ATE1: variants seen among roughly 807,000 people sequenced by gnomAD.
ATE1 encodes the protein arginyl-tRNA--protein transferase 1.
ATE1 carries 36 observed loss-of-function variants against 70.5 expected under a neutral mutation model. The ratio of observed to expected loss-of-function variants is 0.51; its 90% confidence interval spans 0.39 to 0.67. The LOEUF (loss-of-function observed/expected upper bound fraction) is 0.67, where lower values mean the gene tolerates loss of function less well. ATE1 is among the 30% of genes least tolerant of loss of function. The pLI is 0.00. For synonymous variants in ATE1, 232 were observed against 219.3 expected, an observed-to-expected ratio of 1.06 and a Z score of -0.51; for missense variants, 593 against 629.5, an observed-to-expected ratio of 0.94 and a Z score of 0.62.
At chr10:121,851,943 A>C (rs1285415277) in intron 8 of ATE1, among the ~76,000 whole-genome samples, 1 of 152,252 alleles carries the variant, frequency 6.6e-6, no homozygotes, top group African/African-American at 2.4e-5. Flanking sequence ...AATGTCATCA[A>C]TATTAATAGG....
chr10:121,885,260 CAAA>C (rs1212899309), intron 7 of ATE1, among the ~76,000 whole-genome samples: 3 of 33,390 alleles, frequency 9.0e-5, no homozygotes, highest in African/African-American at 1.1e-4. Context: ...GACTCCGTCT[CAAA>C]AAAAAAAAAA....
Position 121,886,490 on chromosome 10 carries a change from G to A in ATE1, c.942+13376C>T, listed in dbSNP as rs552205040. On this transcript the variant is annotated intron_variant, in intron 7 of 11. Coordinates refer to ENST00000224652, the MANE Select transcript of ATE1 (RefSeq NM_001001976.3). ...GTGTGCGTGAATATGCCCTGTGGTGGAACAGACTCCTGTCCAGGGTGAGTG... is the reference window on the plus strand; with the variant it reads ...GTGTGCGTGAATATGCCCTGTGGTGAAACAGACTCCTGTCCAGGGTGAGTG... Among the ~76,000 whole-genome samples, 9 of 152,204 alleles carry A rather than the reference G, an allele frequency of 5.9e-5. No homozygotes were observed. In the South Asian group the frequency reaches 1.9e-3, roughly 32 times the overall value.
intron 10 of ATE1, among the ~76,000 whole-genome samples, chr10:121,799,628 T>G (rs1238225389): frequency 3.9e-5 from 6 of 152,208 alleles, no homozygotes; most frequent in African/African-American, 1.4e-4. Flanking sequence ...GCTTCAAACT[T>G]AAATTTATAT....
At chr10:121,773,466 C>G (rs1196899397) in intron 11 of ATE1, among the ~76,000 whole-genome samples, 9 of 152,184 alleles carry the variant, frequency 5.9e-5, no homozygotes, top group Admixed American at 5.9e-4. Flanking sequence ...CCTGTGTCTC[C>G]TATCAGTTCT....
chr10:121,754,400 A>C (rs1045744919), intron 11 of ATE1, among the ~76,000 whole-genome samples: 1 of 152,232 alleles, frequency 6.6e-6, no homozygotes, highest in Non-Finnish European at 1.5e-5. Context: ...GACTTGTCAA[A>C]AGAAAACATG....
rs60193561 is a variant in ATE1, at chr10:121,801,931, TAA to T, written c.1258-11644_1258-11643del. Among the ~76,000 whole-genome samples the T allele has an allele frequency of 7.4e-4, 102 of 137,960 alleles. 1 individual carries two copies. Among genetic ancestry groups the T allele is most frequent in the African/African-American group, 2.4e-3 (94 of 38,418 alleles). The allele number at this position is 137,960 out of a possible 152,430, so 90.5% of individuals were successfully genotyped here. A position where few individuals can be genotyped will look rare whatever the true frequency, so the allele number is the denominator to read the frequency against. ...AAGTAGGAAGATCCCTTTTTAAAGT[TAA>T]AAAAAAAAAAAAACATGGGCCTTTT... On this transcript the variant is annotated intron_variant, in intron 10 of 11. Coordinates refer to ENST00000224652, the MANE Select transcript of ATE1 (RefSeq NM_001001976.3).
At chr10:121,926,301 G>A (rs796498466) in intron 1 of ATE1, among the ~76,000 whole-genome samples, 8 of 152,236 alleles carry the variant, frequency 5.3e-5, no homozygotes, top group African/African-American at 1.7e-4. Context: ...GAATATAGTG[G>A]GAAAAGCATG....
chr10:121,898,773 G>C, intron 7 of ATE1: 1 of 1,555,840 alleles, frequency 6.4e-7, no homozygotes, highest in South Asian at 1.2e-5. Context: ...CACCTGACAA[G>C]AAAATGGTAT....
At chr10:121,863,127 T>C (rs1564906572) in intron 8 of ATE1, among the ~76,000 whole-genome samples, 1 of 152,322 alleles carries the variant, frequency 6.6e-6, no homozygotes, top group East Asian at 1.9e-4. Context: ...TTAGTTTTTA[T>C]TTCATGTTAT....
chr10:121,837,356 A>G (rs1948469704), intron 9 of ATE1, among the ~76,000 whole-genome samples: 2 of 152,090 alleles, frequency 1.3e-5, no homozygotes, highest in Admixed American at 6.6e-5. Context: ...ATCTCACCAC[A>G]TTTTCTGTAT....
chr10:121,834,043 G>A (rs946227440), intron 10 of ATE1, among the ~76,000 whole-genome samples: 3 of 152,098 alleles, frequency 2.0e-5, no homozygotes, highest in Non-Finnish European at 4.4e-5. Context: ...CAAAACTGAC[G>A]ACTGCAGCAA....
At chr10:121,830,552 C>T (rs1314008102) in intron 10 of ATE1, among the ~76,000 whole-genome samples, 2 of 152,156 alleles carry the variant, frequency 1.3e-5, no homozygotes, top group African/African-American at 4.8e-5. Flanking sequence ...TCTCAAACCT[C>T]AGGTATCCTG....
intron 5 of ATE1, among the ~76,000 whole-genome samples, chr10:121,906,292 C>A (rs1164360727): frequency 6.6e-6 from 1 of 152,100 alleles, no homozygotes; most frequent in East Asian, 1.9e-4. Flanking sequence ...CTTTGGGAGG[C>A]TGAGGCAGGC....
upstream of ATE1, chr10:121,928,398 C>T (rs1195943894): frequency 2.6e-6 from 4 of 1,530,492 alleles, no homozygotes; most frequent in Non-Finnish European, 2.6e-6. Flanking sequence ...TGGTAGCCGG[C>T]CCTGAGGCCC....
intron 11 of ATE1, among the ~76,000 whole-genome samples, chr10:121,774,159 C>T (rs966281298): frequency 1.3e-5 from 2 of 152,006 alleles, no homozygotes; most frequent in Non-Finnish European, 2.9e-5. Context: ...TCAATGGATA[C>T]GCAATAATGG....
chr10:121,874,114 A>G (rs140633804), intron 7 of ATE1, among the ~76,000 whole-genome samples: 2,425 of 152,302 alleles, frequency 0.016, 60 homozygotes, highest in African/African-American at 0.056. Context: ...ATCTAATAAA[A>G]CCTTTATTTA....
chr10:121,847,887 C>T (rs527465758), intron 8 of ATE1, among the ~76,000 whole-genome samples: 34 of 150,674 alleles, frequency 2.3e-4, no homozygotes, highest in East Asian at 4.0e-4. Flanking sequence ...CTGGCTAACA[C>T]GGTGAAACCC....
At chr10:121,917,452 A>G (rs950663185) in intron 3 of ATE1, among the ~76,000 whole-genome samples, 1 of 152,220 alleles carries the variant, frequency 6.6e-6, no homozygotes, top group African/African-American at 2.4e-5. Context: ...GCCATGGTTC[A>G]GTTGTGAAGC....
At position 121,922,254 on chromosome 10, in the gene ATE1, G is replaced by A. The variant is rs950721920; in HGVS notation, c.233+95C>T. On this transcript the variant is annotated intron_variant, in intron 3 of 11. Coordinates refer to ENST00000224652, the MANE Select transcript of ATE1 (RefSeq NM_001001976.3). ...TCCTTTTAAAGGACATCTACCTAGA[G>A]CGGAAATAAACATTAAAAAAGCACA... The A allele has an allele frequency of 6.1e-6, 5 of 824,748 alleles. No individual in the cohort carries two copies. The African/African-American group carries it at 8.8e-5, about 14-fold the overall frequency. The allele number at this position is 824,748 out of a possible 1,614,324, so 51.1% of individuals were successfully genotyped here. A position where few individuals can be genotyped will look rare whatever the true frequency, so the allele number is the denominator to read the frequency against.
Sources: allele counts gnomAD v4.1 joint callset (sites outside exome capture counted in the v4.1 genomes callset), GRCh38; gene constraint gnomAD v4.1.1; transcripts MANE v1.5; gene names NCBI Gene and HGNC (gene_info 2026-07-23, HGNC 2026-07-21).